Variants in STK32C observed in about 807,000 individuals in gnomAD.
The protein encoded by STK32C is serine/threonine-protein kinase 32C.
A neutral mutation model predicts 56.5 loss-of-function variants in STK32C; 31 were observed. The ratio of observed to expected loss-of-function variants is 0.55; its 90% CI spans 0.41 to 0.74. The LOEUF is 0.74. Ranked by LOEUF, STK32C falls within the 30% of genes least tolerant of loss-of-function variation. The probability of loss-of-function intolerance (pLI) is 0.00; values close to 1 mark genes in which losing one functional copy is unlikely to be tolerated. For synonymous variants in STK32C, 309 were observed against 289.4 expected, an observed-to-expected ratio of 1.07 and a Z score of -0.69; for missense variants, 544 against 676.9, an observed-to-expected ratio of 0.80 and a Z score of 2.18.
intron 1 of STK32C, among the ~76,000 whole-genome samples, chr10:132,283,008 G>A (rs985479581): frequency 6.6e-6 from 1 of 152,190 alleles, no homozygotes; most frequent in Admixed American, 6.5e-5. Flanking sequence ...ACATTCCCAG[G>A]GGTCCTGACC....
At chr10:132,298,446 A>G (rs1459382666) in intron 1 of STK32C, among the ~76,000 whole-genome samples, 1 of 152,228 alleles carries the variant, frequency 6.6e-6, no homozygotes, top group Non-Finnish European at 1.5e-5. Flanking sequence ...ACAAGTCCAC[A>G]GGTCCCACGG....
At chr10:132,237,916 G>A (rs571105702) in intron 2 of STK32C, among the ~76,000 whole-genome samples, 15 of 152,294 alleles carry the variant, frequency 9.8e-5, no homozygotes, top group East Asian at 3.9e-4. Flanking sequence ...CCCTCCCAAC[G>A]CTGGCCTGGT....
At position 132,307,931 on chromosome 10, in the gene STK32C, C is replaced by A; in HGVS notation, c.-98G>T. 9.3e-7 allele frequency: 1 copy of A among 1,071,410 alleles called. No homozygotes were observed. Among genetic ancestry groups the A allele is most frequent in the Non-Finnish European group, 1.1e-6 (1 of 885,338 alleles). 66.4% of individuals were successfully genotyped at this position (1,071,410 alleles called of 1,614,324 possible). On this transcript the variant is annotated 5_prime_UTR_variant, in exon 1 of 12. Transcript: ENST00000298630. This position sits in a 1 kb window ranked among gnomAD's most constrained non-coding sequence, Gnocchi z 4.4. ...TAGCGGGAGCGCTCGGGGCCGGCAGCGCCCGCCGTGCGCTCTTCTGGGCGG... is the reference window on the plus strand; with the variant it reads ...TAGCGGGAGCGCTCGGGGCCGGCAGAGCCCGCCGTGCGCTCTTCTGGGCGG...
chr10:132,277,184 G>C (rs1039125653), intron 1 of STK32C, among the ~76,000 whole-genome samples: 1 of 152,220 alleles, frequency 6.6e-6, no homozygotes, highest in African/African-American at 2.4e-5. Flanking sequence ...TGTGGATTCT[G>C]GGCTGCGTGT....
chr10:132,235,125 C>T (rs928122290), intron 2 of STK32C, among the ~76,000 whole-genome samples: 20 of 151,844 alleles, frequency 1.3e-4, no homozygotes, highest in Middle Eastern at 6.8e-3. Flanking sequence ...TGGTATGAAC[C>T]GTGTGAGTGG....
At chr10:132,296,387 C>T (rs1323757445) in intron 1 of STK32C, among the ~76,000 whole-genome samples, 2 of 152,002 alleles carry the variant, frequency 1.3e-5, no homozygotes, top group African/African-American at 2.4e-5. Context: ...GGTATGGATA[C>T]GGGTCCTCTA....
At chr10:132,324,036 G>A (rs2066453994), downstream of STK32C, 1 of 587,664 alleles carries the variant, frequency 1.7e-6, no homozygotes, top group Non-Finnish European at 3.0e-6. Flanking sequence ...ATCTCTTAAT[G>A]GCCTAACCAC....
chr10:132,230,935 AC>A (rs1356499456), intron 2 of STK32C, among the ~76,000 whole-genome samples: 2 of 152,068 alleles, frequency 1.3e-5, no homozygotes, highest in Non-Finnish European at 2.9e-5. Context: ...CAGCCCACTC[AC>A]CAGGGGACAG....
chr10:132,236,023 C>T (rs1057395808), intron 2 of STK32C, among the ~76,000 whole-genome samples: 18 of 152,200 alleles, frequency 1.2e-4, no homozygotes, highest in Non-Finnish European at 5.9e-5. Context: ...GGTGTCGCGT[C>T]GGTCCCTGAT....
chr10:132,231,987 G>C (rs1565087498), intron 2 of STK32C, among the ~76,000 whole-genome samples: 1 of 152,252 alleles, frequency 6.6e-6, no homozygotes, highest in Non-Finnish European at 1.5e-5. Flanking sequence ...CTGAGCTACG[G>C]AACTTGGTTG....
chr10:132,224,592 C>T, intron 7 of STK32C, 69 bp from the exon 8 acceptor site: 2 of 1,189,778 alleles, frequency 1.7e-6, no homozygotes, highest in South Asian at 1.3e-5. Context: ...ATGCCAGACA[C>T]AGGTGCCATC....
At chr10:132,278,716 C>A (rs1368817118) in intron 1 of STK32C, among the ~76,000 whole-genome samples, 1 of 147,452 alleles carries the variant, frequency 6.8e-6, no homozygotes, top group African/African-American at 2.5e-5. Context: ...GCCGAGATCG[C>A]GCCACTGCAC....
At chr10:132,288,424 A>G (rs1445492745) in intron 1 of STK32C, among the ~76,000 whole-genome samples, 1 of 152,252 alleles carries the variant, frequency 6.6e-6, no homozygotes, top group African/African-American at 2.4e-5. Context: ...TGAGACAAAG[A>G]TGCAGAATTG....
At chr10:132,259,223 CTCCT>C (rs1441382930) in intron 1 of STK32C, among the ~76,000 whole-genome samples, 3 of 152,238 alleles carry the variant, frequency 2.0e-5, no homozygotes, top group Admixed American at 6.5e-5. Flanking sequence ...CTGCAGGACC[CTCCT>C]TCCATCCAGG....
At chr10:132,327,159 G>A (rs1590522056) in intron 1 of STK32C, among the ~76,000 whole-genome samples, 5 of 152,178 alleles carry the variant, frequency 3.3e-5, no homozygotes, top group South Asian at 2.1e-4. Flanking sequence ...CTGAATCATG[G>A]GGGCAGGTCT....
intron 1 of STK32C, among the ~76,000 whole-genome samples, chr10:132,302,861 C>G (rs1373739270): frequency 1.3e-5 from 2 of 152,164 alleles, no homozygotes; most frequent in Non-Finnish European, 2.9e-5. Flanking sequence ...TCCGGCAACA[C>G]CATAAGGAAA....
chr10:132,277,477 C>T (rs1345522418), intron 1 of STK32C, among the ~76,000 whole-genome samples: 1 of 152,270 alleles, frequency 6.6e-6, no homozygotes, highest in Non-Finnish European at 1.5e-5. Context: ...AGAGAGCCAG[C>T]CTGGCCCCCG....
rs147269102 is a variant in STK32C, at chr10:132,291,123, C to T, written c.262+16449G>A. Among the ~76,000 whole-genome samples the T allele has an allele frequency of 3.9e-4, 60 of 152,338 alleles. No individual in the cohort carries two copies. The East Asian group carries it at 9.8e-3, about 25-fold the overall frequency. On this transcript the variant is annotated intron_variant, in intron 1 of 11. Coordinates refer to ENST00000298630, the MANE Select transcript of STK32C (RefSeq NM_173575.4). ...CTGCACATAGAAGAGAAGAAACCAC[C>T]GGAGGGCAAATGTAATTAATGGAAA...
At chr10:132,243,144 C>G (rs2063564530) in intron 2 of STK32C, among the ~76,000 whole-genome samples, 1 of 152,224 alleles carries the variant, frequency 6.6e-6, no homozygotes, top group African/African-American at 2.4e-5. Flanking sequence ...AAGCCACCCA[C>G]CCACCAGCTC....
Sources: allele counts gnomAD v4.1 joint callset (sites outside exome capture counted in the v4.1 genomes callset), GRCh38; gene constraint gnomAD v4.1.1; non-coding constraint Gnocchi (gnomAD v3.1); transcripts MANE v1.5; gene names NCBI Gene and HGNC (gene_info 2026-07-23, HGNC 2026-07-21).